NBEA: variants seen among roughly 807,000 people sequenced by gnomAD.
NBEA encodes lysosomal-trafficking regulator 2.
NBEA carries 44 observed loss-of-function variants against 343.4 expected under a neutral mutation model. The observed-to-expected ratio is 0.13, with a 90% CI of 0.10 to 0.16. The LOEUF (loss-of-function observed/expected upper bound fraction) is 0.16, where lower values mean the gene tolerates loss of function less well. NBEA is among the 10% of genes least tolerant of loss of function. The pLI, the probability that NBEA is intolerant of heterozygous loss-of-function variation, is 1.00. For missense variants in NBEA, 2,555 were observed against 3,631.3 expected (o/e 0.70, Z 7.62); for synonymous variants, 1,175 against 1,238.7 (o/e 0.95, Z 1.08).
intron 33 of NBEA, among the ~76,000 whole-genome samples, chr13:35,229,205 A>AT (rs1363148496): frequency 2.6e-5 from 4 of 151,688 alleles, no homozygotes; most frequent in Non-Finnish European, 5.9e-5. Context: ...TAATTTTTTA[A>AT]TTTTTTGGTA....
intron 39 of NBEA, among the ~76,000 whole-genome samples, chr13:35,444,472 C>A (rs1251168349): frequency 1.3e-5 from 2 of 151,864 alleles, no homozygotes; most frequent in Non-Finnish European, 2.9e-5. Flanking sequence ...TTTTATTCTA[C>A]TAAAAGAGTG....
chr13:35,618,288 A>G (rs1459956738), intron 48 of NBEA, among the ~76,000 whole-genome samples: 1 of 152,242 alleles, frequency 6.6e-6, no homozygotes, highest in African/African-American at 2.4e-5. Context: ...GGCAAAGATG[A>G]CAAAATATTA....
intron 41 of NBEA, among the ~76,000 whole-genome samples, chr13:35,484,286 A>ATATG (rs2076232223): frequency 6.7e-6 from 1 of 149,868 alleles, no homozygotes; most frequent in Non-Finnish European, 1.5e-5. Context: ...ATATATATAT[A>ATATG]TATATATGTA....
chr13:35,283,139 T>C (rs73169717), intron 34 of NBEA, among the ~76,000 whole-genome samples: 3,153 of 152,256 alleles, frequency 0.021, 46 homozygotes, highest in Middle Eastern at 0.037. Context: ...TCTGTCATTT[T>C]GTAGAAGATT....
intron 38 of NBEA, among the ~76,000 whole-genome samples, chr13:35,427,282 T>C (rs1020537304): frequency 2.0e-5 from 3 of 152,084 alleles, no homozygotes; most frequent in Admixed American, 6.5e-5. Flanking sequence ...CTTTGGTCTT[T>C]GATGATGGTG....
chr13:35,224,554 T>C (rs1280730000), intron 33 of NBEA, among the ~76,000 whole-genome samples: 1 of 152,192 alleles, frequency 6.6e-6, no homozygotes, highest in Non-Finnish European at 1.5e-5. Flanking sequence ...GATAAGTCCA[T>C]TGAAGGCATA....
At chr13:35,572,772 C>T (rs1054666048) in intron 45 of NBEA, among the ~76,000 whole-genome samples, 4 of 151,980 alleles carry the variant, frequency 2.6e-5, no homozygotes, top group Non-Finnish European at 5.9e-5. Flanking sequence ...CTCCCTCTGT[C>T]ACCCAGGCTG....
chr13:35,017,492 T>C (rs1360150730), intron 1 of NBEA, among the ~76,000 whole-genome samples: 1 of 152,170 alleles, frequency 6.6e-6, no homozygotes, highest in African/African-American at 2.4e-5. Flanking sequence ...TGTCAGTCTT[T>C]TTGATTTGAA....
At chr13:35,368,812 G>A (rs1296913452) in intron 38 of NBEA, among the ~76,000 whole-genome samples, 1 of 151,536 alleles carries the variant, frequency 6.6e-6, no homozygotes, top group Non-Finnish European at 1.5e-5. Flanking sequence ...ACCAAATGAG[G>A]CAATTTGTTA....
chr13:35,653,477 T>G (rs1452257562), intron 53 of NBEA, among the ~76,000 whole-genome samples: 2 of 151,950 alleles, frequency 1.3e-5, no homozygotes, highest in African/African-American at 2.4e-5. Context: ...ATTACAGGCG[T>G]GCACCACCAC....
intron 27 of NBEA, among the ~76,000 whole-genome samples, chr13:35,174,654 T>C (rs1176314995): frequency 6.6e-6 from 1 of 152,116 alleles, no homozygotes; most frequent in Non-Finnish European, 1.5e-5. Flanking sequence ...CTCACAGGAC[T>C]CCATAGTGCT....
At chr13:35,347,316 A>T (rs1408705913) in intron 36 of NBEA, among the ~76,000 whole-genome samples, 1 of 152,078 alleles carries the variant, frequency 6.6e-6, no homozygotes, top group African/African-American at 2.4e-5. Flanking sequence ...TGAGCAAAAA[A>T]AAGTTGATAT....
chr13:35,206,779 C>A (rs904428082), intron 31 of NBEA, among the ~76,000 whole-genome samples: 9 of 151,962 alleles, frequency 5.9e-5, no homozygotes, highest in Non-Finnish European at 1.0e-4. Context: ...ATTTTACACT[C>A]AAAAAAATGT....
intron 8 of NBEA, among the ~76,000 whole-genome samples, chr13:35,060,888 G>A (rs545274631): frequency 2.0e-5 from 3 of 151,644 alleles, no homozygotes; most frequent in East Asian, 1.9e-4. Flanking sequence ...AAGGTGTAGA[G>A]AATATAATAA....
In NBEA at chr13:35,445,785, TATATATA is replaced by T. The variant is rs1303151762; in HGVS notation, c.6305-6306_6305-6300del. On this transcript the variant is annotated intron_variant, in intron 39 of 58. Transcript: ENST00000379939. ...CTTAATTCTAAGATATAAATGTTTA[TATATATA>T]TATATATATATATATATATATATAT... Among the ~76,000 whole-genome samples the T allele has an allele frequency of 4.5e-4, 9 of 19,974 alleles. 1 individual carries two copies. Among genetic ancestry groups the T allele is most frequent in the African/African-American group, 1.1e-3 (8 of 7,108 alleles). The allele number at this position is 19,974 out of a possible 152,430, so 13.1% of individuals were successfully genotyped here.
At chr13:35,301,302 A>T (rs771814542) in intron 35 of NBEA, among the ~76,000 whole-genome samples, 1 of 151,896 alleles carries the variant, frequency 6.6e-6, no homozygotes, top group Admixed American at 6.6e-5. Flanking sequence ...TAAGCTCCGC[A>T]TGCATTAGGT....
At chr13:35,179,878 C>G in intron 28 of NBEA, 2 of 733,486 alleles carry the variant, frequency 2.7e-6, no homozygotes, top group Non-Finnish European at 3.3e-6. Flanking sequence ...TCACTTCTCT[C>G]TGTGTTTATT....
At chr13:35,586,257 T>A (rs2081289962) in intron 46 of NBEA, among the ~76,000 whole-genome samples, 1 of 152,204 alleles carries the variant, frequency 6.6e-6, no homozygotes, top group Non-Finnish European at 1.5e-5. Context: ...GGGGAAAAAA[T>A]TAACTTTCTA....
Position 35,191,008 on chromosome 13 carries a change from A to G in NBEA, c.4928-4856A>G, listed in dbSNP as rs2072148415. 3.3e-5 allele frequency among the ~76,000 whole-genome samples: 5 copies of G among 152,286 alleles called. No homozygotes were observed. In the South Asian group the frequency reaches 1.0e-3, roughly 32 times the overall value. On this transcript the variant is annotated intron_variant, in intron 30 of 58. Transcript: ENST00000379939. ...TTGTAATAACTGAAATGAAAAATTCACTTAGAGGGGTTCAGCAGAAGATCT... is the reference window on the plus strand; with the variant it reads ...TTGTAATAACTGAAATGAAAAATTCGCTTAGAGGGGTTCAGCAGAAGATCT...
Sources: allele counts gnomAD v4.1 joint callset (sites outside exome capture counted in the v4.1 genomes callset), GRCh38; gene constraint gnomAD v4.1.1; transcripts MANE v1.5; gene names NCBI Gene and HGNC (gene_info 2026-07-23, HGNC 2026-07-21).